HDAC8: variants seen among roughly 807,000 people sequenced by gnomAD.
The protein encoded by HDAC8 is histone deacetylase 8.
HDAC8 carries 1 observed loss-of-function variant against 32.2 expected under a neutral mutation model. That is an observed-to-expected ratio of 0.03 (90% CI 0.01 to 0.15). HDAC8 has a LOEUF of 0.15. Among genes scored for constraint, HDAC8 ranks in the 10% least tolerant of loss-of-function variants. The pLI, the probability that HDAC8 is intolerant of heterozygous loss-of-function variation, is 1.00. For synonymous variants in HDAC8, 108 were observed against 113.9 expected (o/e 0.95, Z 0.33); for missense variants, 117 against 300.0 (o/e 0.39, Z 4.51).
intron 10 of HDAC8, among the ~76,000 whole-genome samples, chrX:72,338,817 G>C (rs1459033599): frequency 9.5e-6 from 1 of 105,728 alleles, no homozygotes; most frequent in East Asian, 2.9e-4. Context: ...GGGAGTCTGA[G>C]GCATGAGGAT....
chrX:72,342,782 A>G (rs1475150774), intron 10 of HDAC8, among the ~76,000 whole-genome samples: 1 of 111,936 alleles, frequency 8.9e-6, no homozygotes, highest in African/African-American at 3.2e-5. Flanking sequence ...TTTGAGTATG[A>G]TCCTCAGCGT....
intron 4 of HDAC8, among the ~76,000 whole-genome samples, chrX:72,509,401 G>A (rs192856598): frequency 1.8e-5 from 2 of 111,515 alleles, no homozygotes; most frequent in Admixed American, 9.5e-5. Flanking sequence ...TAGTCACCCC[G>A]CCCGGCCTCT....
At chrX:72,486,466 T>A (rs2048679209) in intron 7 of HDAC8, among the ~76,000 whole-genome samples, 1 of 112,325 alleles carries the variant, frequency 8.9e-6, no homozygotes. Flanking sequence ...TCACAATTCA[T>A]TCTCAAGAAT....
rs1288947895 is a variant in HDAC8, at chrX:72,481,849, A to G, written c.737+7084T>C. Among the ~76,000 whole-genome samples, 3 of 110,225 alleles carry G rather than the reference A, an allele frequency of 2.7e-5. No homozygotes were observed. The East Asian group carries it at 8.6e-4, about 32-fold the overall frequency. The stretch of plus-strand genomic sequence containing the variant: ...GGTCTTGAACCCCTAGCCTCAATCA[A>G]TCTGCTCACCTTGGCCTCCCAAAGT... On this transcript the variant is annotated intron_variant, in intron 7 of 10. Coordinates refer to ENST00000373573, the MANE Select transcript of HDAC8 (RefSeq NM_018486.3).
chrX:72,416,411 T>TG (rs2046339151), intron 9 of HDAC8, among the ~76,000 whole-genome samples: 1 of 68,015 alleles, frequency 1.5e-5, no homozygotes, highest in Non-Finnish European at 2.6e-5. Context: ...CTTCTCTGTT[T>TG]TTTTTTTTTT....
chrX:72,373,701 G>A, intron 9 of HDAC8, among the ~76,000 whole-genome samples: 1 of 111,829 alleles, frequency 8.9e-6, no homozygotes, highest in South Asian at 3.7e-4. Context: ...GAAGATATGT[G>A]GTTATATACC....
Position 72,453,148 on chromosome X carries a change from G to GAA in HDAC8, c.1005+8854_1005+8855dup, listed in dbSNP as rs34701303. Among the ~76,000 whole-genome samples, 686 of 91,018 alleles carry GAA rather than the reference G, an allele frequency of 7.5e-3. 14 individuals are homozygous for GAA. The highest frequency in any genetic ancestry group is 0.025 in the African/African-American group (629 of 25,128). 79.0% of individuals were successfully genotyped at this position (91,018 alleles called of 115,157 possible). On this transcript the variant is annotated intron_variant, in intron 9 of 10. Coordinates refer to ENST00000373573, the MANE Select transcript of HDAC8 (RefSeq NM_018486.3). ...ACATCACAGGGAGAAATAAAAGACTGAAAAAAAAAAAAAATAGGCCGGGCA... is the reference window on the plus strand; with the variant it reads ...ACATCACAGGGAGAAATAAAAGACTGAAAAAAAAAAAAAAAATAGGCCGGGCA...
In HDAC8 at chrX:72,453,383, G is replaced by A. The variant is rs35308079; in HGVS notation, c.1005+8621C>T. ...GAGGTGGGAGGATCGCTTGAGCCCA[G>A]GAAGTTGAGGCTGCAGTAAGCTATG... On this transcript the variant is annotated intron_variant, in intron 9 of 10. Coordinates refer to ENST00000373573, the MANE Select transcript of HDAC8 (RefSeq NM_018486.3). Among the ~76,000 whole-genome samples, 697 of 108,194 alleles carry A rather than the reference G, an allele frequency of 6.4e-3. 4 individuals carry two copies. The highest frequency in any genetic ancestry group is 0.011 in the Non-Finnish European group (556 of 52,465). The allele number at this position is 108,194 out of a possible 115,157, so 94.0% of individuals were successfully genotyped here.
intron 4 of HDAC8, 58 bp downstream of exon 4, chrX:72,567,831 C>T (rs371504715): frequency 7.4e-6 from 9 of 1,209,742 alleles, no homozygotes; most frequent in Non-Finnish European, 1.0e-5. Flanking sequence ...TAAGAGTTTA[C>T]ATAACTGAGA....
At chrX:72,415,647 G>C (rs1187931250) in intron 9 of HDAC8, among the ~76,000 whole-genome samples, 1 of 111,741 alleles carries the variant, frequency 8.9e-6, no homozygotes, top group Admixed American at 9.5e-5. Context: ...TACATGTTTT[G>C]TGAGATTTAC....
intron 7 of HDAC8, among the ~76,000 whole-genome samples, chrX:72,483,989 C>T (rs781970543): frequency 1.8e-5 from 2 of 111,273 alleles, no homozygotes; most frequent in South Asian, 7.6e-4. Flanking sequence ...CTGTTAACAG[C>T]AGAACTAATG....
intron 10 of HDAC8, among the ~76,000 whole-genome samples, chrX:72,330,441 G>GTC (rs200164521): frequency 6.3e-4 from 69 of 110,183 alleles, no homozygotes; most frequent in African/African-American, 9.6e-4. Flanking sequence ...GTTGTTTTAA[G>GTC]TCTCTCTCTC....
intron 7 of HDAC8, chrX:72,467,959 A>G (rs2048066266): frequency 8.4e-7 from 1 of 1,186,124 alleles, no homozygotes; most frequent in South Asian, 1.9e-5. Flanking sequence ...AGTTGTTTTG[A>G]TTATAGCCAG....
chrX:72,488,875 G>T, intron 7 of HDAC8, 58 bp downstream of exon 7: 1 of 673,984 alleles, frequency 1.5e-6, no homozygotes, highest in Non-Finnish European at 2.3e-6. Context: ...TGAGATGGGG[G>T]CCATTTCATC....
At chrX:72,353,219 A>T (rs1461097963) in intron 9 of HDAC8, among the ~76,000 whole-genome samples, 1 of 112,374 alleles carries the variant, frequency 8.9e-6, no homozygotes, top group African/African-American at 3.2e-5. Context: ...AGGGATTCTA[A>T]CAGTGTCTTT....
chrX:72,350,782 T>C (rs1422867812), intron 10 of HDAC8, among the ~76,000 whole-genome samples: 9 of 112,198 alleles, frequency 8.0e-5, no homozygotes, highest in African/African-American at 2.9e-4. Flanking sequence ...AAACAGCCAG[T>C]GGACAGTGGG....
At chrX:72,487,722 CT>C (rs1469076738) in intron 7 of HDAC8, among the ~76,000 whole-genome samples, 5 of 87,160 alleles carry the variant, frequency 5.7e-5, no homozygotes, top group Non-Finnish European at 1.1e-4. Context: ...ACCTAGTTTT[CT>C]GTTATGGTAA....
chrX:72,437,052 T>C, intron 9 of HDAC8, among the ~76,000 whole-genome samples: 1 of 112,341 alleles, frequency 8.9e-6, no homozygotes, highest in East Asian at 2.8e-4. Context: ...GCTGGCAAGA[T>C]GGCTGAACAA....
intron 5 of HDAC8, among the ~76,000 whole-genome samples, chrX:72,492,283 G>C (rs1294176962): frequency 2.7e-5 from 3 of 111,962 alleles, no homozygotes; most frequent in Middle Eastern, 4.6e-3. Context: ...AGAAAGAATG[G>C]TTTTGCTCTA....
Sources: gnomAD v4.1 joint callset for allele counts (sites outside exome capture counted in the v4.1 genomes callset) on GRCh38, gnomAD v4.1.1 for gene constraint, MANE v1.5 for transcripts, NCBI Gene and HGNC (gene_info 2026-07-23, HGNC 2026-07-21) for gene names.